The following RCAN2 variants were observed in gnomAD, a reference collection of about 807,000 sequenced individuals.
RCAN2 encodes calcipressin-2.
In RCAN2, 9 loss-of-function variants were observed where a neutral mutation model predicts 23.6. The observed-to-expected ratio is 0.38, with a 90% CI of 0.23 to 0.67. RCAN2 has a LOEUF of 0.67. RCAN2 is among the 30% of genes least tolerant of loss of function. The pLI is 0.51. For synonymous variants in RCAN2, 109 were observed against 115.7 expected (o/e 0.94, Z 0.37); for missense variants, 273 against 302.3 (o/e 0.90, Z 0.72).
At chr6:46,275,935 T>C (rs1416540733) in intron 2 of RCAN2, among the ~76,000 whole-genome samples, 2 of 152,108 alleles carry the variant, frequency 1.3e-5, no homozygotes, top group East Asian at 3.9e-4. Context: ...GGGCTAGGCG[T>C]GGTGGCTCAC....
At position 46,221,443 on chromosome 6, in the gene RCAN2, C is replaced by CAA. The variant is rs1251736514; in HGVS notation, c.*1696_*1697dup. 1 of 152,792 alleles carries CAA rather than the reference C, an allele frequency of 6.5e-6. No homozygotes were observed. The highest frequency in any genetic ancestry group is 1.5e-5 in the Non-Finnish European group (1 of 68,178). The allele number at this position is 152,792 out of a possible 1,614,324, so 9.5% of individuals were successfully genotyped here. On this transcript the variant is annotated 3_prime_UTR_variant, in exon 5 of 5. Transcript: ENST00000371374. ...AATGAAAAACCAAAAACCTCCACAG[C>CAA]AAAGGAAAGTCAAAGCATATGCTTA...
At chr6:46,288,563 T>A (rs1762442968) in intron 2 of RCAN2, among the ~76,000 whole-genome samples, 2 of 152,224 alleles carry the variant, frequency 1.3e-5, no homozygotes, top group Non-Finnish European at 2.9e-5. Flanking sequence ...ATTGTTCCCC[T>A]CCTATCTAAA....
intron 2 of RCAN2, among the ~76,000 whole-genome samples, chr6:46,384,029 C>T (rs1478868003): frequency 6.6e-6 from 1 of 152,166 alleles, no homozygotes; most frequent in Non-Finnish European, 1.5e-5. Flanking sequence ...TCTACATACT[C>T]CCCCACCCAG....
At chr6:46,434,856 G>C (rs1464668915) in intron 2 of RCAN2, among the ~76,000 whole-genome samples, 2 of 152,118 alleles carry the variant, frequency 1.3e-5, no homozygotes, top group East Asian at 3.9e-4. Flanking sequence ...AGAGGCCAGG[G>C]ATACTACTAA....
At position 46,425,015 on chromosome 6, in the gene RCAN2, G is replaced by T. The variant is rs73454941; in HGVS notation, c.225+31737C>A. ...AATTGTATAATACATACCAAGTAAT[G>T]ATCTTGACAGAGAAAATTAGACTCC... is the stretch of plus-strand genomic sequence containing the variant. On this transcript the variant is annotated intron_variant, in intron 2 of 4. Transcript: ENST00000371374. Among the ~76,000 whole-genome samples, 16 of 152,226 alleles carry T rather than the reference G, an allele frequency of 1.1e-4. No individual in the cohort carries two copies. The East Asian group carries it at 2.9e-3, about 28-fold the overall frequency.
chr6:46,389,444 T>C (rs1765864549), intron 2 of RCAN2, among the ~76,000 whole-genome samples: 1 of 152,154 alleles, frequency 6.6e-6, no homozygotes, highest in Non-Finnish European at 1.5e-5. Flanking sequence ...TTCAAGGCAC[T>C]CTCAATCCTC....
At chr6:46,292,393 T>A (rs1369835695) in intron 2 of RCAN2, among the ~76,000 whole-genome samples, 1 of 151,680 alleles carries the variant, frequency 6.6e-6, no homozygotes, top group Non-Finnish European at 1.5e-5. Context: ...TATTATGCTA[T>A]CCTTTTGCCA....
At chr6:46,304,480 T>C (rs1424012329) in intron 2 of RCAN2, among the ~76,000 whole-genome samples, 1 of 152,178 alleles carries the variant, frequency 6.6e-6, no homozygotes, top group Non-Finnish European at 1.5e-5. Flanking sequence ...TTGTGTCTTA[T>C]TTAAGAAATC....
At chr6:46,477,591 CA>C (rs1316103230) in intron 1 of RCAN2, among the ~76,000 whole-genome samples, 1 of 152,042 alleles carries the variant, frequency 6.6e-6, no homozygotes, top group Non-Finnish European at 1.5e-5. Flanking sequence ...ATACCTTGCA[CA>C]AAATAGGTTC....
intron 2 of RCAN2, among the ~76,000 whole-genome samples, chr6:46,331,397 T>A (rs1250414253): frequency 6.6e-6 from 1 of 152,238 alleles, no homozygotes; most frequent in East Asian, 1.9e-4. Flanking sequence ...CATTAGGAAT[T>A]CATGGATTAA....
intron 2 of RCAN2, among the ~76,000 whole-genome samples, chr6:46,390,292 C>G (rs370023522): frequency 7.1e-4 from 108 of 152,290 alleles, no homozygotes; most frequent in African/African-American, 2.4e-3. Context: ...CAAGTTCCCC[C>G]TGACAACTTT....
chr6:46,301,656 T>C (rs960870857), intron 2 of RCAN2, among the ~76,000 whole-genome samples: 2 of 152,034 alleles, frequency 1.3e-5, no homozygotes, highest in Non-Finnish European at 2.9e-5. Flanking sequence ...GGTGAACATA[T>C]AACAATGGTG....
intron 2 of RCAN2, among the ~76,000 whole-genome samples, chr6:46,309,734 G>A (rs1763192692): frequency 6.6e-6 from 1 of 152,200 alleles, no homozygotes; most frequent in African/African-American, 2.4e-5. Flanking sequence ...ATGGTGGTCT[G>A]TGGGAAGGGA....
intron 2 of RCAN2, among the ~76,000 whole-genome samples, chr6:46,378,991 T>C (rs560901811): frequency 2.6e-5 from 4 of 152,308 alleles, no homozygotes; most frequent in African/African-American, 9.6e-5. Flanking sequence ...AGTGGCCTAT[T>C]GTGCAAAATA....
At chr6:46,367,748 T>C (rs1765214998) in intron 2 of RCAN2, among the ~76,000 whole-genome samples, 1 of 152,232 alleles carries the variant, frequency 6.6e-6, no homozygotes, top group South Asian at 2.1e-4. Context: ...ATTAGGAAAA[T>C]AAATTACACA....
intron 2 of RCAN2, among the ~76,000 whole-genome samples, chr6:46,450,908 T>C (rs975953055): frequency 1.3e-4 from 20 of 152,006 alleles, no homozygotes; most frequent in Admixed American, 2.0e-4. Flanking sequence ...ACTAAGAAGG[T>C]AGATTTTATA....
intron 2 of RCAN2, among the ~76,000 whole-genome samples, chr6:46,279,783 G>A (rs537654209): frequency 6.6e-6 from 1 of 152,168 alleles, no homozygotes; most frequent in South Asian, 2.1e-4. Context: ...TGTCAGTCTT[G>A]TCATCTGCAA....
At chr6:46,473,636 A>G (rs188716818) in intron 1 of RCAN2, among the ~76,000 whole-genome samples, 2 of 152,240 alleles carry the variant, frequency 1.3e-5, no homozygotes, top group Non-Finnish European at 2.9e-5. Flanking sequence ...GTATTTTCAT[A>G]GAGAAAACTA....
intron 2 of RCAN2, among the ~76,000 whole-genome samples, chr6:46,437,430 T>C (rs1275829466): frequency 6.6e-6 from 1 of 152,194 alleles, no homozygotes; most frequent in Non-Finnish European, 1.5e-5. Flanking sequence ...CATGAAAATA[T>C]GTCTTGAAAT....
Sources: allele counts gnomAD v4.1 joint callset (sites outside exome capture counted in the v4.1 genomes callset), GRCh38; gene constraint gnomAD v4.1.1; transcripts MANE v1.5; gene names NCBI Gene and HGNC (gene_info 2026-07-23, HGNC 2026-07-21).